Variants in DLGAP1 observed in about 807,000 individuals in gnomAD.
The protein encoded by DLGAP1 is disks large-associated protein 1.
In DLGAP1, 11 loss-of-function variants were observed where a neutral mutation model predicts 90.8. The observed-to-expected ratio is 0.12, with a 90% CI of 0.08 to 0.20. The LOEUF (loss-of-function observed/expected upper bound fraction) is 0.20, where lower values mean the gene tolerates loss of function less well. Among genes scored for constraint, DLGAP1 ranks in the 10% least tolerant of loss-of-function variants. The pLI is 1.00. For missense variants in DLGAP1, 1,050 were observed against 1,333.8 expected (o/e 0.79, Z 3.31); for synonymous variants, 558 against 540.7 (o/e 1.03, Z -0.44).
intron 4 of DLGAP1, among the ~76,000 whole-genome samples, chr18:3,844,986 C>T (rs60423941): frequency 0.11 from 16,523 of 152,180 alleles, 993 homozygotes; most frequent in Middle Eastern, 0.14. Flanking sequence ...TTAATATACA[C>T]ATTTCATTCT....
chr18:3,641,586 TACACACAC>T (rs61136246), intron 7 of DLGAP1, among the ~76,000 whole-genome samples: 3 of 135,462 alleles, frequency 2.2e-5, no homozygotes, highest in East Asian at 2.1e-4. Context: ...CATATATATA[TACACACAC>T]ACACACACAC....
intron 3 of DLGAP1, among the ~76,000 whole-genome samples, chr18:3,887,335 C>T (rs767738260): frequency 9.2e-5 from 14 of 152,198 alleles, no homozygotes; most frequent in Non-Finnish European, 1.9e-4. Context: ...GGATGCAGCA[C>T]TGTATTTGCA....
chr18:4,038,086 T>C (rs2074918291), intron 2 of DLGAP1, among the ~76,000 whole-genome samples: 2 of 152,234 alleles, frequency 1.3e-5, no homozygotes, highest in South Asian at 4.1e-4. Context: ...AGATATGTAA[T>C]CATGCAATAC....
intron 2 of DLGAP1, among the ~76,000 whole-genome samples, chr18:4,085,160 T>C (rs2075664144): frequency 1.3e-5 from 2 of 152,198 alleles, no homozygotes; most frequent in African/African-American, 4.8e-5. Context: ...AGTGGGTAAA[T>C]AAAAAAGGTA....
chr18:3,898,027 C>A (rs1042741544), intron 3 of DLGAP1, among the ~76,000 whole-genome samples: 10 of 151,942 alleles, frequency 6.6e-5, no homozygotes, highest in African/African-American at 2.4e-4. Context: ...ATCTCCTGAC[C>A]TCGTGATCCG....
intron 3 of DLGAP1, among the ~76,000 whole-genome samples, chr18:3,963,989 T>G (rs2073264533): frequency 6.6e-6 from 1 of 152,218 alleles, no homozygotes; most frequent in Non-Finnish European, 1.5e-5. Context: ...TCTTTTTATT[T>G]CTATAATGTT....
Position 4,007,048 on chromosome 18 carries a change from G to T in DLGAP1, c.-158-1847C>A, listed in dbSNP as rs182843796. 5.0e-3 allele frequency among the ~76,000 whole-genome samples: 757 copies of T among 152,254 alleles called. 3 individuals are homozygous for T. Among genetic ancestry groups the T allele is most frequent in the Non-Finnish European group, 7.8e-3 (531 of 68,012 alleles). ...ATAGGGCTGTAGTGAGGAGTGAATG[G>T]GATAACAAGGTTAAAACTATCAATG... On this transcript the variant is annotated intron_variant, in intron 2 of 12. Coordinates refer to ENST00000315677, the MANE Select transcript of DLGAP1 (RefSeq NM_004746.4).
chr18:3,845,105 C>A, intron 4 of DLGAP1: 1 of 1,219,408 alleles, frequency 8.2e-7, no homozygotes, highest in South Asian at 1.6e-5. Flanking sequence ...ATCCCCAGTT[C>A]ACAGACATCA....
intron 7 of DLGAP1, among the ~76,000 whole-genome samples, chr18:3,687,068 G>C (rs2060728728): frequency 1.3e-5 from 2 of 152,208 alleles, no homozygotes; most frequent in African/African-American, 4.8e-5. Flanking sequence ...GTGGCCTCTA[G>C]AAACTGGAAA....
chr18:3,628,557 C>T (rs369514138), intron 7 of DLGAP1, among the ~76,000 whole-genome samples: 2 of 152,064 alleles, frequency 1.3e-5, no homozygotes, highest in Admixed American at 6.6e-5. Context: ...AGAATGCCTC[C>T]GAGCCTGCAG....
At chr18:3,506,032 T>C (rs2050195006) in intron 11 of DLGAP1, among the ~76,000 whole-genome samples, 1 of 151,662 alleles carries the variant, frequency 6.6e-6, no homozygotes, top group Non-Finnish European at 1.5e-5. Flanking sequence ...AGGTCAGGAG[T>C]GCAAGATCAG....
chr18:4,101,715 C>T (rs2075781016), intron 2 of DLGAP1, among the ~76,000 whole-genome samples: 1 of 151,980 alleles, frequency 6.6e-6, no homozygotes. Context: ...TATATGTAAC[C>T]ATTGAAATTA....
intron 5 of DLGAP1, among the ~76,000 whole-genome samples, chr18:3,756,145 G>A (rs1426623887): frequency 6.6e-6 from 1 of 152,060 alleles, no homozygotes; most frequent in Admixed American, 6.6e-5. Context: ...CGCCTCCCGG[G>A]TTCACGCCAT....
chr18:4,199,520 T>C (rs1279718212), intron 1 of DLGAP1, among the ~76,000 whole-genome samples: 3 of 152,184 alleles, frequency 2.0e-5, no homozygotes, highest in Non-Finnish European at 2.9e-5. Context: ...GTCATGCCAA[T>C]GAGAGGTTGT....
intron 1 of DLGAP1, among the ~76,000 whole-genome samples, chr18:4,151,534 T>C (rs1443397246): frequency 6.6e-6 from 1 of 152,248 alleles, no homozygotes; most frequent in Non-Finnish European, 1.5e-5. Context: ...GGCTTGATAT[T>C]CTACAATATA....
intron 7 of DLGAP1, among the ~76,000 whole-genome samples, chr18:3,617,648 T>C (rs1033727333): frequency 6.8e-6 from 1 of 147,970 alleles, no homozygotes; most frequent in Non-Finnish European, 1.5e-5. Context: ...AGTGAGCACA[T>C]GCTGTTGGAA....
At chr18:4,113,837 A>G (rs2076014901) in intron 2 of DLGAP1, among the ~76,000 whole-genome samples, 2 of 152,170 alleles carry the variant, frequency 1.3e-5, no homozygotes, top group South Asian at 4.1e-4. Context: ...ATGGCTAGCC[A>G]GCTATTCCAG....
chr18:4,224,195 T>C (rs2144994855), intron 1 of DLGAP1, among the ~76,000 whole-genome samples: 1 of 152,274 alleles, frequency 6.6e-6, no homozygotes, highest in East Asian at 1.9e-4. Context: ...AGTAGCCAGG[T>C]AGCACACACT....
At chr18:3,958,962 A>C (rs1445463234) in intron 3 of DLGAP1, among the ~76,000 whole-genome samples, 4 of 152,172 alleles carry the variant, frequency 2.6e-5, no homozygotes, top group Non-Finnish European at 4.4e-5. Flanking sequence ...TTCCCCTTTC[A>C]AGCATGAAAC....
Sources: gnomAD v4.1 joint callset for allele counts (sites outside exome capture counted in the v4.1 genomes callset) on GRCh38, gnomAD v4.1.1 for gene constraint, MANE v1.5 for transcripts, NCBI Gene and HGNC (gene_info 2026-07-23, HGNC 2026-07-21) for gene names.